The following CDH18 variants were observed in gnomAD, a reference collection of about 807,000 sequenced individuals.
CDH18 encodes the protein cadherin 18.
Under a neutral mutation model 67.9 loss-of-function variants are expected in CDH18, and 31 were observed. The ratio of observed to expected loss-of-function variants is 0.46; its 90% CI spans 0.34 to 0.62. The LOEUF (loss-of-function observed/expected upper bound fraction) is 0.62. Among genes scored for constraint, CDH18 ranks in the 20% least tolerant of loss-of-function variants. The pLI, the probability that CDH18 is intolerant of heterozygous loss-of-function variation, is 0.01. For missense variants in CDH18, 890 were observed against 975.5 expected (o/e 0.91, Z 1.17); for synonymous variants, 362 against 347.2 (o/e 1.04, Z -0.48).
At chr5:20,466,989 G>T (rs1581054009) in intron 1 of CDH18, among the ~76,000 whole-genome samples, 1 of 152,058 alleles carries the variant, frequency 6.6e-6, no homozygotes, top group South Asian at 2.1e-4. Flanking sequence ...GGGATAATAT[G>T]AAATGGATAA....
intron 9 of CDH18, among the ~76,000 whole-genome samples, chr5:19,528,824 CA>C (rs1483415031): frequency 1.3e-5 from 2 of 151,858 alleles, no homozygotes; most frequent in Non-Finnish European, 2.9e-5. Flanking sequence ...ATAATTTTAG[CA>C]AATCTCTTTT....
chr5:19,723,240 G>C (rs1766347728), intron 4 of CDH18, among the ~76,000 whole-genome samples: 1 of 151,962 alleles, frequency 6.6e-6, no homozygotes, highest in African/African-American at 2.4e-5. Context: ...TTGCACTCCA[G>C]CCTGGGCAAC....
chr5:20,111,117 A>G (rs1353398941), intron 2 of CDH18, among the ~76,000 whole-genome samples: 1 of 152,200 alleles, frequency 6.6e-6, no homozygotes, highest in Admixed American at 6.5e-5. Context: ...ATTCCTATAC[A>G]ATTATAGTTT....
intron 1 of CDH18, among the ~76,000 whole-genome samples, chr5:20,335,961 G>T (rs1047935250): frequency 6.6e-6 from 1 of 152,178 alleles, no homozygotes; most frequent in African/African-American, 2.4e-5. Flanking sequence ...AAGCAGAAGG[G>T]TTTGTGTAGA....
chr5:20,570,483 G>A (rs2434781), intron 1 of CDH18, among the ~76,000 whole-genome samples: 10,820 of 152,220 alleles, frequency 0.071, 684 homozygotes, highest in African/African-American at 0.16. Context: ...AAGGATGGGT[G>A]AGAATGGATA....
Position 19,855,439 on chromosome 5 carries a change from G to T in CDH18, c.-256-16197C>A, listed in dbSNP as rs149578527. 1.8e-3 allele frequency among the ~76,000 whole-genome samples: 279 copies of T among 152,240 alleles called. 1 individual carries two copies. The highest frequency in any genetic ancestry group is 6.2e-3 in the African/African-American group (257 of 41,548). ...GATTTGGGGGTGGATGAAAATCAGG[G>T]AGAGTGCATTGGATAGGAAGGAGCC... On this transcript the variant is annotated intron_variant, in intron 2 of 12. Coordinates refer to ENST00000382275, the MANE Select transcript of CDH18 (RefSeq NM_004934.5).
At chr5:19,585,889 C>T (rs571935791) in intron 7 of CDH18, among the ~76,000 whole-genome samples, 102 of 152,256 alleles carry the variant, frequency 6.7e-4, no homozygotes, top group Non-Finnish European at 1.4e-3. Flanking sequence ...TATCTTCCAT[C>T]TGAATATATA....
intron 1 of CDH18, among the ~76,000 whole-genome samples, chr5:20,516,128 T>C (rs776437386): frequency 6.4e-4 from 97 of 152,036 alleles, no homozygotes; most frequent in Non-Finnish European, 1.1e-3. Flanking sequence ...ATGCTAATTG[T>C]AAGAGGTTTG....
chr5:19,688,684 G>T (rs1761450306), intron 5 of CDH18, among the ~76,000 whole-genome samples: 1 of 151,862 alleles, frequency 6.6e-6, no homozygotes, highest in Non-Finnish European at 1.5e-5. Context: ...TTCAGCAACA[G>T]ATTTCAATAA....
At chr5:19,609,730 T>G (rs1486053424) in intron 6 of CDH18, among the ~76,000 whole-genome samples, 1 of 151,994 alleles carries the variant, frequency 6.6e-6, no homozygotes, top group Non-Finnish European at 1.5e-5. Flanking sequence ...TTGTAAGAAA[T>G]ATAACTGTCT....
At chr5:19,529,897 TA>T (rs762563997) in intron 9 of CDH18, among the ~76,000 whole-genome samples, 2 of 152,086 alleles carry the variant, frequency 1.3e-5, no homozygotes, top group Non-Finnish European at 2.9e-5. Flanking sequence ...TTCAGTGTAA[TA>T]CCAACCAAAA....
chr5:20,501,555 TAA>T (rs1491443042), intron 1 of CDH18, among the ~76,000 whole-genome samples: 9 of 40,272 alleles, frequency 2.2e-4, no homozygotes, highest in Admixed American at 3.4e-4. Context: ...ATTATATATA[TAA>T]TATATATATA....
intron 1 of CDH18, among the ~76,000 whole-genome samples, chr5:20,333,351 C>T (rs1739361680): frequency 6.6e-6 from 1 of 151,318 alleles, no homozygotes; most frequent in African/African-American, 2.4e-5. Context: ...TACTAAAATA[C>T]AAAAAATTAG....
At chr5:19,553,330 T>G (rs552671495) in intron 8 of CDH18, among the ~76,000 whole-genome samples, 2 of 152,188 alleles carry the variant, frequency 1.3e-5, no homozygotes, top group African/African-American at 4.8e-5. Flanking sequence ...AGAAATCCAT[T>G]TTTACAGTGA....
chr5:20,337,454 C>T (rs1208662437), intron 1 of CDH18, among the ~76,000 whole-genome samples: 2 of 152,088 alleles, frequency 1.3e-5, no homozygotes, highest in Non-Finnish European at 2.9e-5. Flanking sequence ...TGCCAGATAC[C>T]CTAACTCATG....
chr5:19,633,057 C>A (rs1409840345), intron 5 of CDH18, among the ~76,000 whole-genome samples: 1 of 152,166 alleles, frequency 6.6e-6, no homozygotes, highest in African/African-American at 2.4e-5. Flanking sequence ...CTTCAGCGTG[C>A]TTATTTAGTC....
At chr5:19,949,227 G>A (rs916596167) in intron 2 of CDH18, among the ~76,000 whole-genome samples, 1 of 152,076 alleles carries the variant, frequency 6.6e-6, no homozygotes, top group Non-Finnish European at 1.5e-5. Context: ...CTGGTACTTA[G>A]ATCTCAGTGG....
intron 1 of CDH18, among the ~76,000 whole-genome samples, chr5:20,361,167 CA>C (rs888952877): frequency 6.6e-6 from 1 of 151,170 alleles, no homozygotes; most frequent in African/African-American, 2.4e-5. Flanking sequence ...TTCATTCTTT[CA>C]AAAAAAATGC....
chr5:19,538,139 T>C (rs114108559), intron 9 of CDH18, among the ~76,000 whole-genome samples: 214 of 152,284 alleles, frequency 1.4e-3, no homozygotes, highest in African/African-American at 5.0e-3. Flanking sequence ...AATTGCGTGA[T>C]AGCATGTAAG....
Sources: gnomAD v4.1 joint callset for allele counts (sites outside exome capture counted in the v4.1 genomes callset) on GRCh38, gnomAD v4.1.1 for gene constraint, MANE v1.5 for transcripts, NCBI Gene and HGNC (gene_info 2026-07-23, HGNC 2026-07-21) for gene names.